Variants in HECTD4 observed in about 807,000 individuals in gnomAD.
HECTD4 encodes the protein probable E3 ubiquitin-protein ligase HECTD4.
A neutral mutation model predicts 471.5 loss-of-function variants in HECTD4; 114 were observed. The observed-to-expected ratio is 0.24, with a 90% CI of 0.21 to 0.28. The LOEUF (loss-of-function observed/expected upper bound fraction) is 0.28, where lower values mean the gene tolerates loss of function less well. Among genes scored for constraint, HECTD4 ranks in the 10% least tolerant of loss-of-function variants. The pLI is 1.00. For missense variants in HECTD4, 3,866 were observed against 5,651.5 expected, an observed-to-expected ratio of 0.68 and a Z score of 10.13; for synonymous variants, 2,012 against 2,256.0, an observed-to-expected ratio of 0.89 and a Z score of 3.07.
rs2031330958 is a variant in HECTD4, at chr12:112,173,801, G to T, written c.11595-940C>A. 6.6e-6 allele frequency among the ~76,000 whole-genome samples: 1 copy of T among 151,878 alleles called. No homozygotes were observed. Among genetic ancestry groups the T allele is most frequent in the African/African-American group, 2.4e-5 (1 of 41,322 alleles). ...CCACCTCAGCTCCCAAAGTGCTAGG[G>T]TTTCTAAAACAAGTTCAGAAAACTT... On this transcript the variant is annotated intron_variant, in intron 66 of 75. Transcript: ENST00000682272. This position sits in a 1 kb window ranked among gnomAD's most constrained non-coding sequence, Gnocchi z 4.3.
At position 112,261,431 on chromosome 12, in the gene HECTD4, T is replaced by G; in HGVS notation, c.2749-2A>C. Reference sequence around the variant, plus strand: ...AGCCAAAATACTGACTTTTAGCTCCTAGGCAGAAAATATCATCATATTATT... The same window carrying G: ...AGCCAAAATACTGACTTTTAGCTCCGAGGCAGAAAATATCATCATATTATT... On this transcript the variant is annotated splice_acceptor_variant, in intron 17 of 75. Coordinates refer to ENST00000682272, the MANE Select transcript of HECTD4 (RefSeq NM_001388303.1). LOFTEE classifies it high-confidence loss of function. 1.3e-6 allele frequency: 2 copies of G among 1,595,094 alleles called. No individual in the cohort carries two copies. The highest frequency in any genetic ancestry group is 1.7e-6 in the Non-Finnish European group (2 of 1,165,342).
At chr12:112,328,116 A>ATTTG (rs995917732) in intron 1 of HECTD4, among the ~76,000 whole-genome samples, 15 of 122,632 alleles carry the variant, frequency 1.2e-4, no homozygotes, top group African/African-American at 4.3e-4. Context: ...AAAACTATTT[A>ATTTG]TTTATTTATT....
chr12:112,253,393 G>A (rs1194860055), intron 22 of HECTD4, among the ~76,000 whole-genome samples: 2 of 152,212 alleles, frequency 1.3e-5, no homozygotes, highest in African/African-American at 2.4e-5. Flanking sequence ...CCAAAGTGCT[G>A]GGACTATAGG....
rs372185751 is a variant in HECTD4, at chr12:112,193,710, C to T, written c.8750-36G>A. ...AAAGGAAACAGAAGTTGACAAGAAT[C>T]AAAGCAGCCAGTAGCTGTGAGAGTC... On this transcript the variant is annotated intron_variant, in intron 56 of 75. Coordinates refer to ENST00000682272, the MANE Select transcript of HECTD4 (RefSeq NM_001388303.1). This position sits in a 1 kb window ranked among gnomAD's most constrained non-coding sequence, Gnocchi z 5.2. 83 of 1,567,154 alleles carry T rather than the reference C, an allele frequency of 5.3e-5. No individual in the cohort carries two copies. The African/African-American group carries it at 9.2e-4, about 17-fold the overall frequency.
chr12:112,185,620 C>T, intron 60 of HECTD4, 127 bp from the exon 61 acceptor site: 1 of 647,498 alleles, frequency 1.5e-6, no homozygotes, highest in Non-Finnish European at 2.5e-6. Context: ...TCAGTCCCTT[C>T]TTACAGATGG....
chr12:112,199,935 G>A (rs1403588284), intron 55 of HECTD4, among the ~76,000 whole-genome samples: 2 of 152,152 alleles, frequency 1.3e-5, no homozygotes, highest in Admixed American at 6.5e-5. Flanking sequence ...TGACAATTTT[G>A]AATCAAGTTG....
chr12:112,229,903 C>T, intron 40 of HECTD4, 23 bp from the exon 41 acceptor site: 2 of 1,592,930 alleles, frequency 1.3e-6, no homozygotes, highest in Non-Finnish European at 1.7e-6. Context: ...GCAGCCCGTG[C>T]ACTAGGAGTT....
intron 1 of HECTD4, among the ~76,000 whole-genome samples, chr12:112,368,305 A>G (rs1468179744): frequency 6.6e-6 from 1 of 152,196 alleles, no homozygotes; most frequent in Non-Finnish European, 1.5e-5. Context: ...AATATTCAAC[A>G]TTATTGGGAG....
At chr12:112,168,449 C>T (rs147731263) in intron 70 of HECTD4, among the ~76,000 whole-genome samples, 14 of 152,356 alleles carry the variant, frequency 9.2e-5, no homozygotes, top group Admixed American at 2.0e-4. Flanking sequence ...CCTCTCCCGC[C>T]GCCATTCAAG....
At chr12:112,369,913 G>A (rs1423202651) in intron 1 of HECTD4, among the ~76,000 whole-genome samples, 7 of 152,158 alleles carry the variant, frequency 4.6e-5, no homozygotes, top group African/African-American at 1.2e-4. Flanking sequence ...AATACCCATC[G>A]TGCTCAACTG....
At chr12:112,316,240 C>T (rs1367011876) in intron 2 of HECTD4, among the ~76,000 whole-genome samples, 7 of 152,134 alleles carry the variant, frequency 4.6e-5, no homozygotes, top group Admixed American at 2.6e-4. Context: ...TTACGTGGAA[C>T]TCTCTGCCAC....
At chr12:112,198,381 G>C (rs2032312310) in intron 55 of HECTD4, among the ~76,000 whole-genome samples, 1 of 152,186 alleles carries the variant, frequency 6.6e-6, no homozygotes, top group South Asian at 2.1e-4. Flanking sequence ...CACAGAGGAG[G>C]GGCTGCCAAG....
intron 1 of HECTD4, among the ~76,000 whole-genome samples, chr12:112,357,299 G>C: frequency 6.6e-6 from 1 of 152,220 alleles, no homozygotes; most frequent in Non-Finnish European, 1.5e-5. Flanking sequence ...AATAAGCTCA[G>C]AGAAGAGAAA....
chr12:112,174,066 C>T (rs988375953), intron 66 of HECTD4, among the ~76,000 whole-genome samples: 8 of 151,980 alleles, frequency 5.3e-5, no homozygotes, highest in African/African-American at 1.5e-4. Context: ...CAACCCCCGC[C>T]TCCCAGGTTC....
At chr12:112,277,439 A>G (rs1009637470) in intron 9 of HECTD4, among the ~76,000 whole-genome samples, 69 of 152,204 alleles carry the variant, frequency 4.5e-4, no homozygotes, top group Non-Finnish European at 8.5e-4. Flanking sequence ...GATGGATAAA[A>G]CAACTTGGAA....
At chr12:112,320,556 C>G (rs1262022915) in intron 1 of HECTD4, among the ~76,000 whole-genome samples, 1 of 151,852 alleles carries the variant, frequency 6.6e-6, no homozygotes. Context: ...AAAAAATTAG[C>G]CAGGCGTGGT....
intron 7 of HECTD4, among the ~76,000 whole-genome samples, chr12:112,289,274 A>G (rs1326835388): frequency 6.6e-6 from 1 of 152,186 alleles, no homozygotes; most frequent in African/African-American, 2.4e-5. Context: ...TAATTAAAAA[A>G]AATTTTTTTG....
At position 112,259,210 on chromosome 12, in the gene HECTD4, C is replaced by A; in HGVS notation, c.2929G>T (p.Val977Leu). The change falls in exon 19 of 76, where the codon GTG becomes TTG. Residue 977 changes from valine (V) to leucine (L), a missense_variant. Around this residue, in one of 16 missense-constraint regions of HECTD4, gnomAD observed 525 missense variants for 672.6 expected, o/e 0.78. Coordinates refer to ENST00000682272, the MANE Select transcript of HECTD4 (RefSeq NM_001388303.1). Reference sequence around the variant, plus strand: ...GGATGCATCAAGGAGGTCAGTAACACTGGAAGAAGGTGACCAAGCATAGTA... The same window carrying A: ...GGATGCATCAAGGAGGTCAGTAACAATGGAAGAAGGTGACCAAGCATAGTA... The part of the protein sequence containing the change: ...KATMLGHLLP[V>L]LLTSLMHPNL... 2 of 1,613,910 alleles carry A rather than the reference C, an allele frequency of 1.2e-6. No individual in the cohort carries two copies. Among genetic ancestry groups the A allele is most frequent in the Non-Finnish European group, 1.7e-6 (2 of 1,179,846 alleles).
chr12:112,203,615 T>C (rs779998303), intron 54 of HECTD4, 21 bp downstream of exon 54: 3 of 1,605,062 alleles, frequency 1.9e-6, no homozygotes, highest in Non-Finnish European at 2.6e-6. Flanking sequence ...AGCTTATTAA[T>C]CAGAATGGCT....
Sources: allele counts gnomAD v4.1 joint callset (sites outside exome capture counted in the v4.1 genomes callset), GRCh38; gene constraint gnomAD v4.1.1; regional missense constraint gnomAD v4.1.1; non-coding constraint Gnocchi (gnomAD v3.1); transcripts MANE v1.5; gene names NCBI Gene and HGNC (gene_info 2026-07-23, HGNC 2026-07-21).